ADAM12: variants seen among roughly 807,000 people sequenced by gnomAD.
ADAM12 encodes the protein disintegrin and metalloproteinase domain-containing protein 12.
Under a neutral mutation model 106.4 loss-of-function variants are expected in ADAM12, and 70 were observed. The observed-to-expected ratio is 0.66, with a 90% CI of 0.54 to 0.80. The LOEUF is 0.80. Ranked by LOEUF, ADAM12 falls within the 30% of genes least tolerant of loss-of-function variation. The probability of loss-of-function intolerance (pLI) is 0.00; values close to 1 mark genes in which losing one functional copy is unlikely to be tolerated. For synonymous variants in ADAM12, 420 were observed against 433.5 expected (o/e 0.97, Z 0.39); for missense variants, 1,010 against 1,171.9 (o/e 0.86, Z 2.02).
intron 3 of ADAM12, among the ~76,000 whole-genome samples, chr10:126,256,002 T>G (rs557355942): frequency 7.2e-5 from 11 of 152,254 alleles, no homozygotes; most frequent in African/African-American, 2.6e-4. Context: ...AAGGAATATC[T>G]TCACTCGCCC....
At chr10:126,116,653 AG>A (rs1955988775) in intron 6 of ADAM12, among the ~76,000 whole-genome samples, 1 of 152,020 alleles carries the variant, frequency 6.6e-6, no homozygotes, top group African/African-American at 2.4e-5. Flanking sequence ...GAAACGAAAA[AG>A]AGGTTGTGAG....
intron 3 of ADAM12, among the ~76,000 whole-genome samples, chr10:126,180,465 G>T (rs986145036): frequency 3.9e-5 from 6 of 152,142 alleles, no homozygotes; most frequent in African/African-American, 1.4e-4. Context: ...AACGTTTATT[G>T]CTATGCTCAT....
rs140063843 is a variant in ADAM12 at position 126,101,384 on chromosome 10, G to A, written c.742-143C>T. On this transcript the variant is annotated intron_variant, in intron 8 of 22. Coordinates refer to ENST00000448723, the MANE Select transcript of ADAM12 (RefSeq NM_001288973.2). ...CTCTGTGCTCTTTGGTTCCTGTGGTGTTGGAATTTAAGAAATATTTGCAGT... is the reference window on the plus strand; with the variant it reads ...CTCTGTGCTCTTTGGTTCCTGTGGTATTGGAATTTAAGAAATATTTGCAGT... The A allele has an allele frequency of 3.7e-4, 309 of 830,378 alleles. 1 individual carries two copies. The East Asian group carries it at 7.0e-3, about 19-fold the overall frequency. 51.4% of individuals were successfully genotyped at this position (830,378 alleles called of 1,614,324 possible).
chr10:126,255,404 C>T (rs1219252267), intron 3 of ADAM12, among the ~76,000 whole-genome samples: 3 of 152,124 alleles, frequency 2.0e-5, no homozygotes, highest in Non-Finnish European at 4.4e-5. Context: ...CGCATTCAGT[C>T]CCAGCTTCCT....
intron 11 of ADAM12, among the ~76,000 whole-genome samples, chr10:126,074,137 C>G (rs1249925042): frequency 6.6e-6 from 1 of 152,108 alleles, no homozygotes; most frequent in Admixed American, 6.5e-5. Flanking sequence ...AGTTCTGTGA[C>G]AAACCATTAT....
chr10:126,121,158 A>ATATATAGTATATATAG (rs1487224030), intron 5 of ADAM12, among the ~76,000 whole-genome samples: 8 of 59,662 alleles, frequency 1.3e-4, no homozygotes, highest in Non-Finnish European at 1.2e-4. Context: ...TATATATACT[A>ATATATAGTATATATAG]TATATACTAT....
At chr10:126,116,397 T>C (rs1955983482) in intron 6 of ADAM12, among the ~76,000 whole-genome samples, 1 of 152,104 alleles carries the variant, frequency 6.6e-6, no homozygotes, top group African/African-American at 2.4e-5. Flanking sequence ...GGCAAAAGCA[T>C]TTGAAGAGTA....
intron 3 of ADAM12, among the ~76,000 whole-genome samples, chr10:126,252,094 G>C (rs922994219): frequency 1.2e-4 from 5 of 41,936 alleles, no homozygotes; most frequent in Non-Finnish European, 2.1e-4. Context: ...TAGATGGATG[G>C]GATGGATTGG....
chr10:126,232,616 A>T (rs1958334089), intron 3 of ADAM12, among the ~76,000 whole-genome samples: 1 of 152,170 alleles, frequency 6.6e-6, no homozygotes, highest in African/African-American at 2.4e-5. Flanking sequence ...CTCAACTGAC[A>T]CCTGCACTGT....
intron 2 of ADAM12, among the ~76,000 whole-genome samples, chr10:126,286,048 C>T (rs1401045648): frequency 1.3e-5 from 2 of 149,408 alleles, no homozygotes; most frequent in African/African-American, 2.5e-5. Context: ...GGAGGCTGAT[C>T]CAAACTTGAC....
chr10:126,339,617 A>G (rs1854846059), intron 1 of ADAM12, among the ~76,000 whole-genome samples: 1 of 152,148 alleles, frequency 6.6e-6, no homozygotes, highest in Non-Finnish European at 1.5e-5. Flanking sequence ...GCAAACATCT[A>G]TGACAGGTTT....
chr10:126,130,150 T>C (rs775022605), intron 5 of ADAM12, among the ~76,000 whole-genome samples: 5 of 151,844 alleles, frequency 3.3e-5, no homozygotes, highest in African/African-American at 9.7e-5. Flanking sequence ...CCCCATTTTC[T>C]TTCTTAACAG....
At chr10:126,199,731 CAT>C (rs1244273631) in intron 3 of ADAM12, among the ~76,000 whole-genome samples, 1 of 152,170 alleles carries the variant, frequency 6.6e-6, no homozygotes, top group Non-Finnish European at 1.5e-5. Flanking sequence ...AGTTTCTGTA[CAT>C]GTCAGTAATA....
At position 126,060,144 on chromosome 10, in the gene ADAM12, A is replaced by C. The variant is rs181545094; in HGVS notation, c.1609+4662T>G. On this transcript the variant is annotated intron_variant, in intron 14 of 22. Coordinates refer to ENST00000448723, the MANE Select transcript of ADAM12 (RefSeq NM_001288973.2). The stretch of plus-strand genomic sequence containing the variant: ...AACAATTAGAACAACAAATAAATGA[A>C]CAAAAAACCCAAAGGCATTCTCAAA... Among the ~76,000 whole-genome samples, 117 of 152,386 alleles carry C rather than the reference A, an allele frequency of 7.7e-4. 1 individual carries two copies. Among genetic ancestry groups the C allele is most frequent in the Non-Finnish European group, 4.4e-5 (3 of 68,046 alleles).
chr10:126,229,437 G>T lies in ADAM12; in HGVS notation c.260+49478C>A, dbSNP rs539125715. Among the ~76,000 whole-genome samples the T allele has an allele frequency of 4.1e-5, 6 of 146,392 alleles. No individual in the cohort carries two copies. In the East Asian group the frequency reaches 6.0e-4, roughly 15 times the overall value. Reference sequence around the variant, plus strand: ...CATTCATTTTAATGGCTGCATAATTGTAAGAGCCTTTTAAAATTGTTTGTA... The same window carrying T: ...CATTCATTTTAATGGCTGCATAATTTTAAGAGCCTTTTAAAATTGTTTGTA... On this transcript the variant is annotated intron_variant, in intron 3 of 22. Transcript: ENST00000448723.
chr10:126,307,878 C>T (rs1960918494), intron 2 of ADAM12, among the ~76,000 whole-genome samples: 1 of 152,206 alleles, frequency 6.6e-6, no homozygotes, highest in Admixed American at 6.5e-5. Flanking sequence ...CTTGCATGAG[C>T]CAGCGTGCCT....
intron 4 of ADAM12, among the ~76,000 whole-genome samples, chr10:126,145,290 G>T (rs951330492): frequency 6.6e-6 from 1 of 152,054 alleles, no homozygotes; most frequent in African/African-American, 2.4e-5. Context: ...CATATTCCAG[G>T]ACTTTGGTTC....
chr10:126,133,482 C>G (rs1388637750), intron 5 of ADAM12, among the ~76,000 whole-genome samples: 1 of 152,196 alleles, frequency 6.6e-6, no homozygotes, highest in African/African-American at 2.4e-5. Flanking sequence ...CACCTTTGAC[C>G]AGGCCTGCCC....
chr10:126,334,953 C>T (rs1011590640), intron 1 of ADAM12, among the ~76,000 whole-genome samples: 6 of 152,156 alleles, frequency 3.9e-5, no homozygotes, highest in Non-Finnish European at 7.3e-5. Flanking sequence ...GAGGCTCTAC[C>T]GTCTACAAAA....
Sources: allele counts gnomAD v4.1 joint callset (sites outside exome capture counted in the v4.1 genomes callset), GRCh38; gene constraint gnomAD v4.1.1; transcripts MANE v1.5; gene names NCBI Gene and HGNC (gene_info 2026-07-23, HGNC 2026-07-21).